Variants in USP9Y observed in about 807,000 individuals in gnomAD.
The protein encoded by USP9Y is ubiquitin specific peptidase 9 Y-linked.
A neutral mutation model predicts 53.1 loss-of-function variants in USP9Y; 41 were observed. That is an observed-to-expected ratio of 0.77 (90% CI 0.60 to 1.00). The LOEUF is 1.00. USP9Y is among the 50% of genes least tolerant of loss of function. The pLI is 0.00. For missense variants in USP9Y, 567 were observed against 535.8 expected, an observed-to-expected ratio of 1.06 and a Z score of -0.58; for synonymous variants, 220 against 173.7, an observed-to-expected ratio of 1.27 and a Z score of -2.09.
chrY:12,843,904 G>T (rs2053564566), intron 39 of USP9Y, among the ~76,000 whole-genome samples: 1 of 33,091 alleles, frequency 3.0e-5, no homozygotes, highest in Non-Finnish European at 7.5e-5. Context: ...AATGAGTGGG[G>T]ATTGCATAGA....
At chrY:12,716,838 G>A (rs2053431283) in intron 3 of USP9Y, among the ~76,000 whole-genome samples, 1 of 33,345 alleles carries the variant, frequency 3.0e-5, no homozygotes, top group African/African-American at 1.2e-4. Flanking sequence ...TTGATCTCCC[G>A]ACCTCATGAT....
chrY:12,703,054 C>A (rs773400438), intron 1 of USP9Y, among the ~76,000 whole-genome samples: 13 of 32,305 alleles, frequency 4.0e-4, no homozygotes, highest in African/African-American at 1.6e-3. Context: ...TTGCACTCCT[C>A]TTTGTCTTAT....
chrY:12,809,569 A>G (rs2053527758), intron 27 of USP9Y, among the ~76,000 whole-genome samples: 1 of 33,043 alleles, frequency 3.0e-5, no homozygotes, highest in Non-Finnish European at 7.5e-5. Flanking sequence ...TAAGTATGGA[A>G]TGGAATCTGA....
chrY:12,808,430 C>T, intron 27 of USP9Y, among the ~76,000 whole-genome samples: 1 of 33,822 alleles, frequency 3.0e-5, no homozygotes, highest in Non-Finnish European at 7.3e-5. Flanking sequence ...ATTGCATTTT[C>T]GAAGGCTTCA....
intron 27 of USP9Y, among the ~76,000 whole-genome samples, chrY:12,795,656 A>G (rs774469132): frequency 2.1e-4 from 7 of 33,277 alleles, no homozygotes. Flanking sequence ...TTTCTTGATT[A>G]CATGCGAAAC....
intron 42 of USP9Y, among the ~76,000 whole-genome samples, chrY:12,852,767 C>G (rs2053572438): frequency 3.0e-5 from 1 of 33,599 alleles, no homozygotes. Context: ...TTCTAACAGT[C>G]AGGTCCCTCA....
intron 31 of USP9Y, 75 bp from the exon 32 acceptor site, chrY:12,816,049 T>G: frequency 3.1e-6 from 1 of 321,731 alleles, no homozygotes; most frequent in Non-Finnish European, 4.6e-6. Context: ...TTGCTATTAT[T>G]AATTTGTTAG....
chrY:12,763,335 A>T, intron 15 of USP9Y, among the ~76,000 whole-genome samples: 1 of 33,078 alleles, frequency 3.0e-5, no homozygotes, highest in South Asian at 6.8e-4. Flanking sequence ...CAAACTATCA[A>T]CCACTTTGTT....
intron 12 of USP9Y, among the ~76,000 whole-genome samples, chrY:12,746,479 A>G (rs2053460676): frequency 9.0e-5 from 3 of 33,291 alleles, no homozygotes; most frequent in Non-Finnish European, 2.2e-4. Flanking sequence ...AGAAAAAAAC[A>G]AATACCCTTT....
intron 27 of USP9Y, among the ~76,000 whole-genome samples, chrY:12,806,651 C>T: frequency 3.0e-5 from 1 of 33,638 alleles, no homozygotes; most frequent in African/African-American, 1.2e-4. Context: ...CTTGAAGTAT[C>T]ATTTTGCCAG....
chrY:12,710,109 G>A, intron 3 of USP9Y, among the ~76,000 whole-genome samples: 1 of 33,055 alleles, frequency 3.0e-5, no homozygotes, highest in South Asian at 6.7e-4. Flanking sequence ...TTAGTTATAA[G>A]CACAGACTTC....
intron 3 of USP9Y, among the ~76,000 whole-genome samples, chrY:12,714,986 G>A (rs2053429332): frequency 3.1e-5 from 1 of 32,025 alleles, no homozygotes; most frequent in Admixed American, 2.9e-4. Context: ...TCTCAATGTC[G>A]TAGTGAGCCT....
chrY:12,821,483 A>C (rs781716038), intron 33 of USP9Y, among the ~76,000 whole-genome samples: 1 of 33,050 alleles, frequency 3.0e-5, no homozygotes, highest in African/African-American at 1.2e-4. Context: ...GTGAAAATTC[A>C]TGAACAAGTT....
Position 12,842,227 on chromosome Y carries a change from G to A in USP9Y, c.6213-13G>A. ...TCACTAAAATTTGACGTTCATAGAT[G>A]TTTCTGTTTTAGGTATGATGCACTG... On this transcript the variant is annotated splice_polypyrimidine_tract_variant and intron_variant, in intron 37 of 45. Transcript: ENST00000338981. The A allele has an allele frequency of 5.1e-6, 2 of 393,735 alleles. No individual in the cohort carries two copies. Among genetic ancestry groups the A allele is most frequent in the Non-Finnish European group, 7.2e-6 (2 of 279,125 alleles).
intron 45 of USP9Y, among the ~76,000 whole-genome samples, chrY:12,857,905 C>T (rs1603204560): frequency 9.0e-5 from 3 of 33,454 alleles, no homozygotes; most frequent in Non-Finnish European, 2.2e-4. Context: ...GTTGAAATGA[C>T]GTCATGTTTT....
At chrY:12,776,393 G>A (rs1603199420) in intron 18 of USP9Y, among the ~76,000 whole-genome samples, 1 of 31,782 alleles carries the variant, frequency 3.1e-5, no homozygotes, top group East Asian at 8.4e-4. Flanking sequence ...CACCTGCCTC[G>A]GCCTCCCAAA....
At chrY:12,778,516 G>T in intron 20 of USP9Y, 90 bp from the exon 21 acceptor site, 2 of 297,184 alleles carry the variant, frequency 6.7e-6, no homozygotes, top group Non-Finnish European at 1.0e-5. Flanking sequence ...AAAGCCTAAG[G>T]TGTATTTTAA....
At chrY:12,723,361 T>C in intron 5 of USP9Y, among the ~76,000 whole-genome samples, 3 of 30,667 alleles carry the variant, frequency 9.8e-5, no homozygotes, top group Non-Finnish European at 2.4e-4. Context: ...TTATTTTATT[T>C]TTATTTTATT....
At position 12,859,276 on chromosome Y, in the gene USP9Y, T is replaced by C; in HGVS notation, c.7531-3T>C. 1 of 397,584 alleles carries C rather than the reference T, an allele frequency of 2.5e-6. No individual in the cohort carries two copies. On this transcript the variant is annotated splice_region_variant and splice_polypyrimidine_tract_variant and intron_variant, in intron 45 of 45. Transcript: ENST00000338981. ...ACAATGCTGGTCTCTTTCACCCTCT[T>C]AGAATAATCATGTACATGGACAGCC... is the stretch of plus-strand genomic sequence containing the variant.
Sources: allele counts gnomAD v4.1 joint callset (sites outside exome capture counted in the v4.1 genomes callset), GRCh38; gene constraint gnomAD v4.1.1; transcripts MANE v1.5; gene names NCBI Gene and HGNC (gene_info 2026-07-23, HGNC 2026-07-21).